The following CNTN1 variants were observed in gnomAD, a reference collection of about 807,000 sequenced individuals.
CNTN1 encodes contactin 1.
CNTN1 carries 38 observed loss-of-function variants against 126.4 expected under a neutral mutation model. The ratio of observed to expected loss-of-function variants is 0.30; its 90% confidence interval spans 0.23 to 0.39. The LOEUF is 0.39. Among genes scored for constraint, CNTN1 ranks in the 10% least tolerant of loss-of-function variants. The pLI, the probability that CNTN1 is intolerant of heterozygous loss-of-function variation, is 1.00. For missense variants in CNTN1, 1,009 were observed against 1,248.4 expected (o/e 0.81, Z 2.89); for synonymous variants, 413 against 422.6 (o/e 0.98, Z 0.28).
rs1271542788 is a variant in CNTN1, at chr12:40,929,856, G to A, written c.557G>A (p.Arg186Gln). The part of the protein sequence containing the change: ...EFPVFITMDK[R>Q]RFVSQTNGNL... ...CCTGTATTTATCACAATGGATAAAC[G>A]GCGATTTGTGTCTCAGACAAATGGC... Residue 186 changes from arginine to glutamine, a missense_variant, in exon 7 of 24, where the codon CGG becomes CAG. Coordinates refer to ENST00000551295, the MANE Select transcript of CNTN1 (RefSeq NM_001843.4). 1 of 1,612,562 alleles carries A rather than the reference G, an allele frequency of 6.2e-7. No homozygotes were observed. Among genetic ancestry groups the A allele is most frequent in the Non-Finnish European group, 8.5e-7 (1 of 1,178,998 alleles).
chr12:40,765,576 G>GA (rs778186166), intron 1 of CNTN1, among the ~76,000 whole-genome samples: 64 of 152,218 alleles, frequency 4.2e-4, no homozygotes, highest in South Asian at 1.2e-3. Flanking sequence ...AGAGTCAAGG[G>GA]AAAAAATGTG....
chr12:40,704,544 T>C (rs772118172), intron 1 of CNTN1, among the ~76,000 whole-genome samples: 1 of 152,174 alleles, frequency 6.6e-6, no homozygotes, highest in Non-Finnish European at 1.5e-5. Flanking sequence ...AAGACACATA[T>C]ATTTTAAAAG....
chr12:40,844,998 TGTATATTTCTTAGATCTTAACCACG>T, intron 1 of CNTN1, among the ~76,000 whole-genome samples: 1 of 152,184 alleles, frequency 6.6e-6, no homozygotes, highest in Non-Finnish European at 1.5e-5. Flanking sequence ...ATTCCAAACA[TGTATATTTCTTAGATCTTAACCACG>T]GAAGAGTAAT....
intron 1 of CNTN1, among the ~76,000 whole-genome samples, chr12:40,900,575 T>G (rs1944568700): frequency 6.6e-6 from 1 of 152,210 alleles, no homozygotes; most frequent in Non-Finnish European, 1.5e-5. Context: ...TTACAAAATT[T>G]GACATGCTAA....
chr12:40,826,298 A>G (rs543898099), intron 1 of CNTN1, among the ~76,000 whole-genome samples: 19 of 152,294 alleles, frequency 1.2e-4, no homozygotes, highest in African/African-American at 4.6e-4. Context: ...GATTTTTCAA[A>G]AAGTCTGAGG....
chr12:41,044,405 A>G (rs1949494837), intron 23 of CNTN1, among the ~76,000 whole-genome samples: 1 of 152,108 alleles, frequency 6.6e-6, no homozygotes, highest in Non-Finnish European at 1.5e-5. Flanking sequence ...CTTTAAAAAT[A>G]TATTATTTGG....
intron 17 of CNTN1, among the ~76,000 whole-genome samples, chr12:40,998,252 C>T (rs1482518534): frequency 1.3e-5 from 2 of 152,090 alleles, no homozygotes; most frequent in Non-Finnish European, 2.9e-5. Context: ...AACAAATAGT[C>T]TGTAACTGGT....
intron 1 of CNTN1, among the ~76,000 whole-genome samples, chr12:40,799,512 C>T (rs564833861): frequency 6.6e-6 from 1 of 151,954 alleles, no homozygotes; most frequent in East Asian, 1.9e-4. Context: ...TTTGGCAGAA[C>T]ATAACCCTTG....
chr12:40,780,686 G>GA (rs11393889), intron 1 of CNTN1, among the ~76,000 whole-genome samples: 114,056 of 128,240 alleles, frequency 0.89, 50,443 homozygotes, highest in South Asian at 0.94. Flanking sequence ...TTCCATCTAA[G>GA]AAAAAAAAAA....
At chr12:40,887,917 A>C (rs1367700611) in intron 1 of CNTN1, among the ~76,000 whole-genome samples, 1 of 151,276 alleles carries the variant, frequency 6.6e-6, no homozygotes, top group African/African-American at 2.4e-5. Flanking sequence ...CGCAAGGACA[A>C]AAAACCAAAC....
At chr12:40,890,620 T>C (rs189940603) in intron 1 of CNTN1, among the ~76,000 whole-genome samples, 16 of 152,338 alleles carry the variant, frequency 1.1e-4, no homozygotes, top group African/African-American at 3.8e-4. Context: ...TCTTTTCATA[T>C]TGAATTCTTT....
At chr12:40,816,364 C>T (rs1306521214) in intron 1 of CNTN1, among the ~76,000 whole-genome samples, 3 of 152,094 alleles carry the variant, frequency 2.0e-5, no homozygotes, top group Non-Finnish European at 4.4e-5. Flanking sequence ...CAAATTCTTC[C>T]TGGTTTAGTC....
chr12:40,998,696 TA>T (rs765891600), intron 17 of CNTN1, among the ~76,000 whole-genome samples: 1 of 152,112 alleles, frequency 6.6e-6, no homozygotes, highest in Non-Finnish European at 1.5e-5. Flanking sequence ...TAAAGTATAA[TA>T]AAAAAGAATG....
rs373070425 is a variant in CNTN1, at chr12:40,990,641, T to C, written c.1964-2479T>C. Among the ~76,000 whole-genome samples, 11 of 152,204 alleles carry C rather than the reference T, an allele frequency of 7.2e-5. No homozygotes were observed. In the East Asian group the frequency reaches 1.7e-3, roughly 24 times the overall value. On this transcript the variant is annotated intron_variant, in intron 16 of 23. Transcript: ENST00000551295. ...AATGTCTTCCATTTGTTTGGGATATTTTCATACTGGATCCTCACACTTTTT... is the reference window on the plus strand; with the variant it reads ...AATGTCTTCCATTTGTTTGGGATATCTTCATACTGGATCCTCACACTTTTT...
intron 23 of CNTN1, among the ~76,000 whole-genome samples, chr12:41,053,089 A>G (rs1009481295): frequency 1.3e-5 from 2 of 151,630 alleles, no homozygotes; most frequent in Non-Finnish European, 2.9e-5. Flanking sequence ...AGTCTAAAAT[A>G]TAAAGCAAAC....
chr12:41,057,777 T>A (rs1949857959), intron 23 of CNTN1, among the ~76,000 whole-genome samples: 1 of 151,924 alleles, frequency 6.6e-6, no homozygotes, highest in Non-Finnish European at 1.5e-5. Flanking sequence ...TTTTTTATTT[T>A]TATATTTTGC....
At chr12:40,897,774 C>A (rs1944463088) in intron 1 of CNTN1, among the ~76,000 whole-genome samples, 1 of 152,182 alleles carries the variant, frequency 6.6e-6, no homozygotes, top group African/African-American at 2.4e-5. Context: ...TCCCCAGTAT[C>A]TGTTCTGGTA....
chr12:40,937,854 A>T (rs1367190230), intron 11 of CNTN1, among the ~76,000 whole-genome samples, 167 bp downstream of exon 11: 1 of 152,176 alleles, frequency 6.6e-6, no homozygotes, highest in Non-Finnish European at 1.5e-5. Context: ...CAGACTAACG[A>T]AACAATGGAA....
At chr12:40,769,459 T>C (rs1393249112) in intron 1 of CNTN1, among the ~76,000 whole-genome samples, 2 of 152,164 alleles carry the variant, frequency 1.3e-5, no homozygotes, top group Non-Finnish European at 2.9e-5. Flanking sequence ...TAAAATTCAA[T>C]TTATACAGGA....
Sources: allele counts gnomAD v4.1 joint callset (sites outside exome capture counted in the v4.1 genomes callset), GRCh38; gene constraint gnomAD v4.1.1; transcripts MANE v1.5; gene names NCBI Gene and HGNC (gene_info 2026-07-23, HGNC 2026-07-21).